ADAMTSL1: variants seen among roughly 807,000 people sequenced by gnomAD.
The protein encoded by ADAMTSL1 is ADAMTS like 1, also known as ADAMTS-like protein 1.
ADAMTSL1 carries 126 observed loss-of-function variants against 201.8 expected under a neutral mutation model. The observed-to-expected ratio is 0.62, with a 90% confidence interval of 0.54 to 0.72. ADAMTSL1 has a LOEUF of 0.72. ADAMTSL1 is among the 30% of genes least tolerant of loss of function. The probability of loss-of-function intolerance (pLI) is 0.00; values close to 1 mark genes in which losing one functional copy is unlikely to be tolerated. For synonymous variants in ADAMTSL1, 1,121 were observed against 903.4 expected, an observed-to-expected ratio of 1.24 and a Z score of -4.32; for missense variants, 2,679 against 2,277.8, an observed-to-expected ratio of 1.18 and a Z score of -3.59.
At chr9:18,904,586 A>G (rs1322972970) in intron 26 of ADAMTSL1, among the ~76,000 whole-genome samples, 8 of 130,672 alleles carry the variant, frequency 6.1e-5, no homozygotes, top group Non-Finnish European at 3.1e-5. Context: ...GTGAGCTGAG[A>G]TTGTGCCACT....
intron 2 of ADAMTSL1, among the ~76,000 whole-genome samples, chr9:18,317,264 C>G (rs1174211743): frequency 2.0e-5 from 3 of 152,122 alleles, no homozygotes; most frequent in East Asian, 3.9e-4. Context: ...AGATGTTGGT[C>G]AAAGGCTACA....
rs1464889157 is a variant in ADAMTSL1 at position 18,251,102 on chromosome 9, A to G, written c.207+87121A>G. Reference sequence around the variant, plus strand: ...ACCAAAATTTAACTCTAAAACTAAAAAAAAGTATAATTAAAAATTAATAGG... The same window carrying G: ...ACCAAAATTTAACTCTAAAACTAAAGAAAAGTATAATTAAAAATTAATAGG... On this transcript the variant is annotated intron_variant, in intron 2 of 29. Coordinates refer to the ADAMTSL1 transcript ENST00000680146. Among the ~76,000 whole-genome samples the G allele has an allele frequency of 3.3e-5, 5 of 152,278 alleles. 1 individual carries two copies. In the East Asian group the frequency reaches 7.7e-4, roughly 24 times the overall value.
At chr9:18,762,823 G>A (rs527607632) in intron 16 of ADAMTSL1, among the ~76,000 whole-genome samples, 1 of 152,302 alleles carries the variant, frequency 6.6e-6, no homozygotes, top group Admixed American at 6.5e-5. Flanking sequence ...TGTTGCACAT[G>A]ACTGGATCTC....
chr9:18,273,245 T>C (rs1247019275), intron 2 of ADAMTSL1, among the ~76,000 whole-genome samples: 4 of 152,156 alleles, frequency 2.6e-5, no homozygotes, highest in Non-Finnish European at 5.9e-5. Context: ...ATGCCTGGTA[T>C]ATTTTTTGTA....
chr9:18,626,221 CA>C (rs1208200809), intron 5 of ADAMTSL1, among the ~76,000 whole-genome samples: 1 of 152,132 alleles, frequency 6.6e-6, no homozygotes, highest in Non-Finnish European at 1.5e-5. Context: ...ACAAAACAGA[CA>C]AAATCCATTT....
intron 4 of ADAMTSL1, among the ~76,000 whole-genome samples, chr9:18,613,105 G>T (rs989828122): frequency 6.6e-6 from 1 of 152,028 alleles, no homozygotes; most frequent in African/African-American, 2.4e-5. Context: ...AGAGCATATG[G>T]AAAAAAAGCT....
In ADAMTSL1 at chr9:18,580,747, C is replaced by G. The variant is rs539786506; in HGVS notation, c.474+6481C>G. ...AAATATATTTGTCTAACAAATTTTACTTAGGAATTAACAGTATGCTAAATA... is the reference window on the plus strand; with the variant it reads ...AAATATATTTGTCTAACAAATTTTAGTTAGGAATTAACAGTATGCTAAATA... On this transcript the variant is annotated intron_variant, in intron 4 of 28. Coordinates refer to ENST00000380548, the MANE Select transcript of ADAMTSL1 (RefSeq NM_001040272.6). Among the ~76,000 whole-genome samples the G allele has an allele frequency of 7.2e-5, 11 of 152,170 alleles. No individual in the cohort carries two copies. The South Asian group carries it at 2.3e-3, about 32-fold the overall frequency.
At chr9:18,573,917 C>A (rs1822514297) in intron 3 of ADAMTSL1, 113 bp from the exon 4 acceptor site, 3 of 759,622 alleles carry the variant, frequency 3.9e-6, no homozygotes, top group Admixed American at 2.3e-5. Context: ...TCTATCATGA[C>A]CAGGACATTT....
intron 15 of ADAMTSL1, among the ~76,000 whole-genome samples, chr9:18,752,182 C>G (rs565668415): frequency 6.6e-6 from 1 of 151,286 alleles, no homozygotes; most frequent in Non-Finnish European, 1.5e-5. Flanking sequence ...GAATAACAAA[C>G]AGATTATTAC....
At chr9:18,719,866 T>G (rs1053660260) in intron 14 of ADAMTSL1, among the ~76,000 whole-genome samples, 1 of 152,126 alleles carries the variant, frequency 6.6e-6, no homozygotes, top group East Asian at 1.9e-4. Context: ...GAGAGCAGCA[T>G]GGTGGGTCAA....
chr9:18,425,568 C>T (rs16936669), intron 2 of ADAMTSL1, among the ~76,000 whole-genome samples: 3,475 of 152,190 alleles, frequency 0.023, 136 homozygotes, highest in African/African-American at 0.08. Context: ...AAAGAAAATT[C>T]TCCAGGCACA....
intron 2 of ADAMTSL1, among the ~76,000 whole-genome samples, chr9:18,457,650 G>A (rs1364257210): frequency 2.6e-5 from 4 of 152,154 alleles, no homozygotes; most frequent in Non-Finnish European, 5.9e-5. Flanking sequence ...ATTTCTATAT[G>A]AGGTGTTTCC....
chr9:18,189,014 A>C (rs1828859628), intron 2 of ADAMTSL1, among the ~76,000 whole-genome samples: 1 of 152,220 alleles, frequency 6.6e-6, no homozygotes, highest in African/African-American at 2.4e-5. Flanking sequence ...ACAGGTTCCC[A>C]AGACAATTAG....
At chr9:18,509,943 C>T (rs1453965299) in intron 2 of ADAMTSL1, among the ~76,000 whole-genome samples, 2 of 152,164 alleles carry the variant, frequency 1.3e-5, no homozygotes, top group Non-Finnish European at 1.5e-5. Context: ...CATCTAAATT[C>T]AGTTCAGTCA....
At chr9:18,114,810 G>C (rs547475506) in intron 1 of ADAMTSL1, among the ~76,000 whole-genome samples, 1 of 152,288 alleles carries the variant, frequency 6.6e-6, no homozygotes, top group South Asian at 2.1e-4. Flanking sequence ...CACGTCTAAA[G>C]ACAGTGGTGA....
chr9:18,853,656 T>G (rs1826646691), intron 23 of ADAMTSL1, among the ~76,000 whole-genome samples: 1 of 152,216 alleles, frequency 6.6e-6, no homozygotes, highest in African/African-American at 2.4e-5. Flanking sequence ...AACTATAAAC[T>G]ACATGTCTCC....
At chr9:18,247,786 G>A (rs1293505457) in intron 2 of ADAMTSL1, among the ~76,000 whole-genome samples, 1 of 152,048 alleles carries the variant, frequency 6.6e-6, no homozygotes, top group Non-Finnish European at 1.5e-5. Context: ...AGGGAGGGAG[G>A]AAGGGAAGGA....
At chr9:18,502,362 AG>A (rs1822888126) in intron 1 of ADAMTSL1, among the ~76,000 whole-genome samples, 1 of 152,252 alleles carries the variant, frequency 6.6e-6, no homozygotes, top group Non-Finnish European at 1.5e-5. Flanking sequence ...AAACTGCTTC[AG>A]GAAAATACTG....
chr9:18,300,035 T>C (rs1833638519), intron 2 of ADAMTSL1, among the ~76,000 whole-genome samples: 1 of 152,152 alleles, frequency 6.6e-6, no homozygotes, highest in South Asian at 2.1e-4. Flanking sequence ...AGTTCAACCA[T>C]TGTGGAAGAC....
Sources: gnomAD v4.1 joint callset for allele counts (sites outside exome capture counted in the v4.1 genomes callset) on GRCh38, gnomAD v4.1.1 for gene constraint, MANE v1.5 for transcripts, NCBI Gene and HGNC (gene_info 2026-07-23, HGNC 2026-07-21) for gene names.